Variants in SEMA5A observed in about 807,000 individuals in gnomAD.
SEMA5A encodes semaphorin-5A.
Under a neutral mutation model 135.5 loss-of-function variants are expected in SEMA5A, and 55 were observed. The observed-to-expected ratio is 0.41, with a 90% CI of 0.33 to 0.51. SEMA5A has a LOEUF of 0.51. Among genes scored for constraint, SEMA5A ranks in the 20% least tolerant of loss-of-function variants. The pLI is 0.37. For synonymous variants in SEMA5A, 580 were observed against 546.5 expected (o/e 1.06, Z -0.85); for missense variants, 1,290 against 1,419.9 (o/e 0.91, Z 1.47).
chr5:9,198,103 G>A (rs1745517265), intron 9 of SEMA5A, among the ~76,000 whole-genome samples: 1 of 152,156 alleles, frequency 6.6e-6, no homozygotes, highest in South Asian at 2.1e-4. Context: ...CAAAGGGGAA[G>A]TGGAGATAAA....
At position 9,122,642 on chromosome 5, in the gene SEMA5A, T is replaced by C; in HGVS notation, c.1781+14A>G. On this transcript the variant is annotated intron_variant, in intron 14 of 22. Coordinates refer to ENST00000382496, the MANE Select transcript of SEMA5A (RefSeq NM_003966.3). ...ATACACAGCAGCACAACTGGCGTGTTCTGAGCGGCACACCTGGAACAGTTG... is the reference window on the plus strand; with the variant it reads ...ATACACAGCAGCACAACTGGCGTGTCCTGAGCGGCACACCTGGAACAGTTG... The C allele has an allele frequency of 6.4e-7, 1 of 1,570,306 alleles. No individual in the cohort carries two copies. Among genetic ancestry groups the C allele is most frequent in the African/African-American group, 1.4e-5 (1 of 73,926 alleles).
chr5:9,296,155 A>T (rs545308943), intron 5 of SEMA5A, among the ~76,000 whole-genome samples: 35 of 152,312 alleles, frequency 2.3e-4, no homozygotes, highest in African/African-American at 7.0e-4. Context: ...AGAGAGTTGA[A>T]CCCCACAGAA....
chr5:9,144,955 C>T (rs1256474118), intron 12 of SEMA5A, among the ~76,000 whole-genome samples: 1 of 152,074 alleles, frequency 6.6e-6, no homozygotes, highest in Non-Finnish European at 1.5e-5. Flanking sequence ...TCAGTTTAGT[C>T]CGGAGACCAT....
chr5:9,257,616 T>G (rs1298532469), intron 5 of SEMA5A, among the ~76,000 whole-genome samples: 1 of 152,018 alleles, frequency 6.6e-6, no homozygotes, highest in Non-Finnish European at 1.5e-5. Flanking sequence ...AAGACTATAA[T>G]TTCTCCTGAC....
intron 1 of SEMA5A, among the ~76,000 whole-genome samples, chr5:9,538,293 G>C (rs1737888855): frequency 6.6e-6 from 1 of 152,068 alleles, no homozygotes; most frequent in South Asian, 2.1e-4. Flanking sequence ...TGCGCGGGGT[G>C]GGAAACACTC....
intron 3 of SEMA5A, among the ~76,000 whole-genome samples, chr5:9,356,008 A>G (rs1754426662): frequency 6.6e-6 from 1 of 152,110 alleles, no homozygotes; most frequent in Admixed American, 6.6e-5. Context: ...TACATAACCC[A>G]TTTATCTTCA....
chr5:9,224,633 A>G (rs1383723522), intron 8 of SEMA5A, 41 bp downstream of exon 8: 1 of 1,580,628 alleles, frequency 6.3e-7, no homozygotes, highest in Admixed American at 1.7e-5. Context: ...CAGGAATCAA[A>G]GACAAATGAG....
chr5:9,524,126 A>G (rs1437809309), intron 1 of SEMA5A, among the ~76,000 whole-genome samples: 2 of 152,126 alleles, frequency 1.3e-5, no homozygotes, highest in Non-Finnish European at 2.9e-5. Flanking sequence ...TGGTTGTTGA[A>G]AAGTATAGTT....
At chr5:9,215,433 T>C (rs1227370186) in intron 8 of SEMA5A, among the ~76,000 whole-genome samples, 2 of 152,188 alleles carry the variant, frequency 1.3e-5, no homozygotes, top group Non-Finnish European at 2.9e-5. Flanking sequence ...TCTCTGCAGA[T>C]ATAATCAAGT....
At chr5:9,483,500 A>G (rs540038548) in intron 1 of SEMA5A, among the ~76,000 whole-genome samples, 2 of 152,350 alleles carry the variant, frequency 1.3e-5, no homozygotes, top group African/African-American at 4.8e-5. Context: ...CTCTGCATGC[A>G]TAAAGAGGTA....
chr5:9,199,411 C>T (rs571375808), intron 9 of SEMA5A, among the ~76,000 whole-genome samples: 2 of 152,190 alleles, frequency 1.3e-5, no homozygotes, highest in African/African-American at 4.8e-5. Flanking sequence ...CTGTGCTCCT[C>T]CCTCTGCCCT....
chr5:9,346,372 C>T (rs1375125456), intron 3 of SEMA5A, among the ~76,000 whole-genome samples: 3 of 152,118 alleles, frequency 2.0e-5, no homozygotes, highest in African/African-American at 7.2e-5. Context: ...TCAGTTCGCT[C>T]ATGTAACCTC....
chr5:9,308,424 T>G (rs1751973189), intron 5 of SEMA5A, among the ~76,000 whole-genome samples: 1 of 152,150 alleles, frequency 6.6e-6, no homozygotes, highest in Non-Finnish European at 1.5e-5. Context: ...GCTCTAGAGC[T>G]GCATCTGGGA....
At chr5:9,520,311 T>C (rs964238061) in intron 1 of SEMA5A, among the ~76,000 whole-genome samples, 11 of 152,042 alleles carry the variant, frequency 7.2e-5, no homozygotes, top group African/African-American at 2.4e-4. Context: ...CGGGAGGAGG[T>C]AAACCACCAA....
intron 1 of SEMA5A, among the ~76,000 whole-genome samples, chr5:9,460,175 C>T (rs968738741): frequency 5.3e-5 from 8 of 152,092 alleles, no homozygotes; most frequent in African/African-American, 1.9e-4. Context: ...GATTTTTATT[C>T]TGATTTTATC....
At chr5:9,043,530 C>T (rs1006757792) in intron 22 of SEMA5A, among the ~76,000 whole-genome samples, 2 of 152,158 alleles carry the variant, frequency 1.3e-5, no homozygotes, top group African/African-American at 2.4e-5. Context: ...AAGGTGATCA[C>T]TGTAGCCATT....
intron 1 of SEMA5A, among the ~76,000 whole-genome samples, chr5:9,444,617 T>G (rs1758359357): frequency 6.6e-6 from 1 of 152,358 alleles, no homozygotes. Flanking sequence ...TGGTTCCACA[T>G]TTTTGCAATT....
chr5:9,138,692 C>T (rs1443285938), intron 12 of SEMA5A, among the ~76,000 whole-genome samples: 2 of 151,682 alleles, frequency 1.3e-5, no homozygotes, highest in Non-Finnish European at 2.9e-5. Context: ...TTTGGTGCAC[C>T]CATCACCCAA....
At chr5:9,457,899 CCTTTT>C (rs1442024178) in intron 1 of SEMA5A, among the ~76,000 whole-genome samples, 2 of 136,272 alleles carry the variant, frequency 1.5e-5, no homozygotes, top group South Asian at 2.4e-4. Context: ...CAGCATCTCT[CCTTTT>C]TTTTTTTTTT....
Sources: allele counts gnomAD v4.1 joint callset (sites outside exome capture counted in the v4.1 genomes callset), GRCh38; gene constraint gnomAD v4.1.1; transcripts MANE v1.5; gene names NCBI Gene and HGNC (gene_info 2026-07-23, HGNC 2026-07-21).